GRM4: variants seen among roughly 807,000 people sequenced by gnomAD.
The protein encoded by GRM4 is metabotropic glutamate receptor 4.
In GRM4, 28 loss-of-function variants were observed where a neutral mutation model predicts 81.7. The ratio of observed to expected loss-of-function variants is 0.34; its 90% CI spans 0.25 to 0.47. The LOEUF is 0.47. GRM4 is among the 20% of genes least tolerant of loss of function. The pLI is 1.00. For synonymous variants in GRM4, 488 were observed against 528.8 expected, an observed-to-expected ratio of 0.92 and a Z score of 1.06; for missense variants, 948 against 1,290.0, an observed-to-expected ratio of 0.73 and a Z score of 4.06.
rs73744809 is a variant in GRM4 at position 34,075,698 on chromosome 6, G to A, written c.737-13670C>T. On this transcript the variant is annotated intron_variant, in intron 3 of 10. Transcript: ENST00000538487. ...GAGCCTTATCTCCACATAACAAAGT[G>A]TGAAGAATAAGCAAGTTAATATACA... Among the ~76,000 whole-genome samples the A allele has an allele frequency of 6.2e-3, 944 of 152,330 alleles. 5 individuals are homozygous for A. Among genetic ancestry groups the A allele is most frequent in the African/African-American group, 0.02 (828 of 41,568 alleles).
rs938140150 is a variant in GRM4, at chr6:34,047,037, T to C, written c.1169-6289A>G. On this transcript the variant is annotated intron_variant, in intron 6 of 10. Transcript: ENST00000538487. This position sits in a 1 kb window ranked among gnomAD's most constrained non-coding sequence, Gnocchi z 4.5. Reference sequence around the variant, plus strand: ...GCTGGGCCATGGCCCAGCTATACACTCTAGGCCAAGTATGGGAGTGTTCTA... The same window carrying C: ...GCTGGGCCATGGCCCAGCTATACACCCTAGGCCAAGTATGGGAGTGTTCTA... Among the ~76,000 whole-genome samples the C allele has an allele frequency of 1.3e-5, 2 of 151,894 alleles. No homozygotes were observed. Among genetic ancestry groups the C allele is most frequent in the African/African-American group, 4.8e-5 (2 of 41,326 alleles).
At chr6:34,075,924 G>GC (rs1238538396) in intron 3 of GRM4, among the ~76,000 whole-genome samples, 3 of 152,210 alleles carry the variant, frequency 2.0e-5, no homozygotes, top group African/African-American at 7.2e-5. Context: ...TGTCTCCCCA[G>GC]CCTATTCACC....
chr6:34,078,705 G>A lies in GRM4; in HGVS notation c.736+13178C>T, dbSNP rs1197896795. ...CTGCGTGGCCCTCTGTTCACTCTCCGCCCTCCCTCCCTCCTCTCCTCTTAC... is the reference window on the plus strand; with the variant it reads ...CTGCGTGGCCCTCTGTTCACTCTCCACCCTCCCTCCCTCCTCTCCTCTTAC... On this transcript the variant is annotated intron_variant, in intron 3 of 10. Transcript: ENST00000538487. The surrounding 1 kb of genome is among the most constrained non-coding windows in gnomAD (Gnocchi z 4.8). 2.0e-5 allele frequency among the ~76,000 whole-genome samples: 3 copies of A among 151,852 alleles called. No homozygotes were observed. Among genetic ancestry groups the A allele is most frequent in the Non-Finnish European group, 4.4e-5 (3 of 67,964 alleles).
intron 3 of GRM4, 175 bp downstream of exon 3, chr6:34,091,708 C>G (rs780878121): frequency 8.3e-6 from 5 of 601,078 alleles, no homozygotes; most frequent in Non-Finnish European, 1.5e-5. Context: ...CACCCAGAGC[C>G]CAGTGAGGCC....
intron 2 of GRM4, among the ~76,000 whole-genome samples, chr6:34,104,604 C>A (rs1021246812): frequency 1.2e-4 from 18 of 152,158 alleles, no homozygotes; most frequent in African/African-American, 3.4e-4. Flanking sequence ...GCACTCTCAC[C>A]CCCTGCTCCC....
At chr6:34,153,404 A>C (rs1771085865) in intron 1 of GRM4, among the ~76,000 whole-genome samples, 1 of 152,208 alleles carries the variant, frequency 6.6e-6, no homozygotes, top group South Asian at 2.1e-4. Flanking sequence ...CTCCATCCTC[A>C]GGACTGCTGG....
intron 4 of GRM4, 91 bp downstream of exon 4, chr6:34,061,802 C>T: frequency 1.4e-6 from 2 of 1,397,102 alleles, no homozygotes; most frequent in African/African-American, 1.4e-5. Flanking sequence ...GGGTCAGGCT[C>T]GCCTGGGAAG....
rs1764672859 is a variant in GRM4, at chr6:34,035,853, G to A, written c.2257C>T (p.Leu753Phe). Residue 753 changes from leucine (L) to phenylalanine (F), a missense_variant, in exon 9 of 11, where the codon CTC becomes TTC. By Grantham distance (22) the Leu-to-Phe change is conservative (BLOSUM62 0). Coordinates refer to ENST00000538487, the MANE Select transcript of GRM4 (RefSeq NM_000841.4). The surrounding 1 kb of genome is among the most constrained non-coding windows in gnomAD (Gnocchi z 6.6). ...ATGCTGTAGCCCAGCAGGCAGATGA[G>A]CGACAGGTCCGAGATGTCACACTTG... ...VLKCDISDLS[L>F]ICLLGYSMLL... 6.2e-7 allele frequency: 1 copy of A among 1,612,362 alleles called. No homozygotes were observed. Among genetic ancestry groups the A allele is most frequent in the Non-Finnish European group, 8.5e-7 (1 of 1,178,522 alleles).
At chr6:34,033,904 C>T (rs1199127412) in intron 9 of GRM4, among the ~76,000 whole-genome samples, 5 of 152,060 alleles carry the variant, frequency 3.3e-5, no homozygotes, top group South Asian at 2.1e-4. Flanking sequence ...TGCCTGGCTA[C>T]GTTTTTGTAT....
intron 3 of GRM4, among the ~76,000 whole-genome samples, chr6:34,066,422 AG>A (rs1766469807): frequency 1.3e-5 from 2 of 152,228 alleles, no homozygotes; most frequent in Admixed American, 6.5e-5. Context: ...GACGGACAAA[AG>A]CAAGTTGCAG....
In GRM4 at chr6:34,049,000, G is replaced by A. The variant is rs1765484328; in HGVS notation, c.1168+7544C>T. ...AACACACTAGGTCTTTCTCTTTAAG[G>A]TAGAAATACGAGGTCATTTCTCCGA... On this transcript the variant is annotated intron_variant, in intron 6 of 10. Coordinates refer to ENST00000538487, the MANE Select transcript of GRM4 (RefSeq NM_000841.4). This position sits in a 1 kb window ranked among gnomAD's most constrained non-coding sequence, Gnocchi z 4.0. Among the ~76,000 whole-genome samples the A allele has an allele frequency of 6.6e-6, 1 of 152,084 alleles. No homozygotes were observed. The highest frequency in any genetic ancestry group is 2.1e-4 in the South Asian group (1 of 4,818).
intron 3 of GRM4, among the ~76,000 whole-genome samples, chr6:34,066,077 A>G (rs866686847): frequency 2.0e-5 from 3 of 152,066 alleles, no homozygotes; most frequent in Non-Finnish European, 4.4e-5. Flanking sequence ...CTTTACTACA[A>G]GACAGCTGGA....
At chr6:34,116,046 G>A (rs905789124) in intron 2 of GRM4, among the ~76,000 whole-genome samples, 3 of 152,192 alleles carry the variant, frequency 2.0e-5, no homozygotes, top group African/African-American at 7.2e-5. Context: ...AGAAAAAGCT[G>A]ACAGATCCTT....
intron 6 of GRM4, among the ~76,000 whole-genome samples, chr6:34,046,420 C>T (rs149357523): frequency 1.3e-5 from 2 of 152,286 alleles, no homozygotes; most frequent in Non-Finnish European, 2.9e-5. Context: ...CAAGCAGATG[C>T]TGAGGAGGAG....
At chr6:34,117,851 A>C (rs1373710104) in intron 2 of GRM4, among the ~76,000 whole-genome samples, 2 of 152,218 alleles carry the variant, frequency 1.3e-5, no homozygotes, top group African/African-American at 4.8e-5. Flanking sequence ...GGCCACTGGA[A>C]ATACATAGAT....
intron 2 of GRM4, among the ~76,000 whole-genome samples, chr6:34,125,197 T>C (rs1349066251): frequency 6.6e-6 from 1 of 152,146 alleles, no homozygotes; most frequent in Non-Finnish European, 1.5e-5. Flanking sequence ...ATGGTCTCGA[T>C]CTCCTGACCT....
rs1763866020 is a variant in GRM4, at chr6:34,021,359, C to T, written c.*1462G>A. 1 of 152,146 alleles carries T rather than the reference C, an allele frequency of 6.6e-6. No homozygotes were observed. Among genetic ancestry groups the T allele is most frequent in the Non-Finnish European group, 1.5e-5 (1 of 68,082 alleles). The allele number at this position is 152,146 out of a possible 1,614,324, so 9.4% of individuals were successfully genotyped here. ...CACACTGATCTCCAGGACAGACACA[C>T]ATCTTCTTAGCACCCGAGCCTGGAG... On this transcript the variant is annotated 3_prime_UTR_variant, in exon 11 of 11. Coordinates refer to ENST00000538487, the MANE Select transcript of GRM4 (RefSeq NM_000841.4). This position sits in a 1 kb window ranked among gnomAD's most constrained non-coding sequence, Gnocchi z 5.3.
rs184134287 is a variant in GRM4, at chr6:34,127,999, G to A, written c.519+4979C>T. On this transcript the variant is annotated intron_variant, in intron 2 of 10. Transcript: ENST00000538487. Reference sequence around the variant, plus strand: ...GGGCACATGCAGCCCAACATGGGACGAGGGGAGGGAACTCACACCGCCAGG... The same window carrying A: ...GGGCACATGCAGCCCAACATGGGACAAGGGGAGGGAACTCACACCGCCAGG... Among the ~76,000 whole-genome samples, 532 of 152,320 alleles carry A rather than the reference G, an allele frequency of 3.5e-3. 4 individuals carry two copies. The highest frequency in any genetic ancestry group is 9.6e-3 in the Admixed American group (147 of 15,306).
chr6:34,139,554 G>A (rs1275556074), intron 1 of GRM4, among the ~76,000 whole-genome samples: 3 of 152,072 alleles, frequency 2.0e-5, no homozygotes, highest in East Asian at 1.9e-4. Flanking sequence ...TCCTTCCTCC[G>A]CAGTTAATGA....
Sources: gnomAD v4.1 joint callset for allele counts (sites outside exome capture counted in the v4.1 genomes callset) on GRCh38, gnomAD v4.1.1 for gene constraint, Gnocchi (gnomAD v3.1) non-coding constraint, MANE v1.5 for transcripts, NCBI Gene and HGNC (gene_info 2026-07-23, HGNC 2026-07-21) for gene names.